Variants in PARD3B observed in about 807,000 individuals in gnomAD.
The protein encoded by PARD3B is partitioning defective 3 homolog B.
Under a neutral mutation model 130.2 loss-of-function variants are expected in PARD3B, and 103 were observed. The observed-to-expected ratio is 0.79, with a 90% CI of 0.67 to 0.93. The LOEUF is 0.93. Among genes scored for constraint, PARD3B ranks in the 40% least tolerant of loss-of-function variants. The probability of loss-of-function intolerance (pLI) is 0.00; values close to 1 mark genes in which losing one functional copy is unlikely to be tolerated. For missense variants in PARD3B, 1,609 were observed against 1,499.2 expected (o/e 1.07, Z -1.21); for synonymous variants, 583 against 553.2 (o/e 1.05, Z -0.76).
chr2:205,209,828 G>T lies in PARD3B; in HGVS notation c.2140+16508G>T, dbSNP rs115221704. 8.0e-3 allele frequency among the ~76,000 whole-genome samples: 1,210 copies of T among 151,910 alleles called. 16 individuals are homozygous for T. The highest frequency in any genetic ancestry group is 0.014 in the Middle Eastern group (4 of 294). ...AAAAAAATTAGAATGAATGAATAAGGCCTAGTATTTGATAGTATGACAGAG... is the reference window on the plus strand; with the variant it reads ...AAAAAAATTAGAATGAATGAATAAGTCCTAGTATTTGATAGTATGACAGAG... On this transcript the variant is annotated intron_variant, in intron 15 of 22. Coordinates refer to ENST00000406610, the MANE Select transcript of PARD3B (RefSeq NM_001302769.2).
intron 3 of PARD3B, among the ~76,000 whole-genome samples, chr2:204,986,164 G>T (rs1230895989): frequency 1.3e-5 from 2 of 150,766 alleles, no homozygotes; most frequent in African/African-American, 4.9e-5. Flanking sequence ...ACTTTCTTGG[G>T]TATGGCAGAT....
Position 205,122,846 on chromosome 2 carries a change from T to A in PARD3B, c.1165+897T>A, listed in dbSNP as rs1248531414. 6.6e-6 allele frequency among the ~76,000 whole-genome samples: 1 copy of A among 152,236 alleles called. No homozygotes were observed. The highest frequency in any genetic ancestry group is 2.4e-5 in the African/African-American group (1 of 41,470). ...TCAAAATTTCATTCACCTATAAGAA[T>A]TCTATTCTGGGAATAAAATACATTG... On this transcript the variant is annotated intron_variant, in intron 8 of 22. Coordinates refer to ENST00000406610, the MANE Select transcript of PARD3B (RefSeq NM_001302769.2). The surrounding 1 kb of genome is among the most constrained non-coding windows in gnomAD (Gnocchi z 4.3).
At chr2:204,611,870 G>T (rs2033941624) in intron 1 of PARD3B, among the ~76,000 whole-genome samples, 1 of 152,022 alleles carries the variant, frequency 6.6e-6, no homozygotes, top group African/African-American at 2.4e-5. Context: ...GTGCAAGCTT[G>T]CAGGATATCG....
intron 16 of PARD3B, among the ~76,000 whole-genome samples, chr2:205,255,103 A>G (rs1482174962): frequency 2.0e-5 from 3 of 151,932 alleles, no homozygotes; most frequent in Non-Finnish European, 4.4e-5. Context: ...CTCTCTGACC[A>G]TATTTTGCCC....
chr2:204,869,173 GCTTTGTAGCC>G (rs1471403631), intron 2 of PARD3B, among the ~76,000 whole-genome samples: 3 of 152,120 alleles, frequency 2.0e-5, no homozygotes, highest in African/African-American at 7.2e-5. Context: ...TTTTTATGGG[GCTTTGTAGCC>G]CTATTAGGGA....
chr2:205,303,278 T>C (rs2042076112), intron 18 of PARD3B, among the ~76,000 whole-genome samples: 2 of 152,206 alleles, frequency 1.3e-5, no homozygotes, highest in South Asian at 4.1e-4. Context: ...GATAGGATTT[T>C]ACTTAACTGG....
At position 205,617,135 on chromosome 2, in the gene PARD3B, G is replaced by T. The variant is rs2055463336; in HGVS notation, c.*1322G>T. The T allele has an allele frequency of 1.3e-5, 2 of 154,360 alleles. No homozygotes were observed. Among genetic ancestry groups the T allele is most frequent in the Admixed American group, 1.3e-4 (2 of 15,276 alleles). The allele number at this position is 154,360 out of a possible 1,614,324, so 9.6% of individuals were successfully genotyped here. ...AAGGACAGTGTTATGGCTTTAAAAA[G>T]CTGAAACCCCAACCTCTAAGTAGAT... On this transcript the variant is annotated 3_prime_UTR_variant, in exon 23 of 23. Coordinates refer to ENST00000406610, the MANE Select transcript of PARD3B (RefSeq NM_001302769.2).
intron 15 of PARD3B, among the ~76,000 whole-genome samples, chr2:205,210,879 T>TTTTCCAAATTTTAG (rs1441541205): frequency 6.6e-6 from 1 of 152,134 alleles, no homozygotes; most frequent in Non-Finnish European, 1.5e-5. Context: ...ATTTCTAAAG[T>TTTTCCAAATTTTAG]AAATATCACT....
At chr2:204,763,051 C>T (rs140391641) in intron 2 of PARD3B, among the ~76,000 whole-genome samples, 2,442 of 152,260 alleles carry the variant, frequency 0.016, 28 homozygotes, top group Middle Eastern at 0.044. Context: ...TGAGCCACTG[C>T]GCCCGGCCTT....
intron 19 of PARD3B, among the ~76,000 whole-genome samples, chr2:205,408,497 G>A (rs1163400095): frequency 4.6e-5 from 7 of 152,012 alleles, no homozygotes; most frequent in East Asian, 1.9e-4. Context: ...TATTAGAGTC[G>A]AAGAAGGAAA....
chr2:204,562,196 G>C (rs2031362041), intron 1 of PARD3B, among the ~76,000 whole-genome samples: 1 of 152,080 alleles, frequency 6.6e-6, no homozygotes. Flanking sequence ...GTTGGGGTGT[G>C]CTAAATTGAT....
intron 2 of PARD3B, among the ~76,000 whole-genome samples, chr2:204,875,646 T>G (rs922359443): frequency 5.3e-5 from 8 of 152,150 alleles, no homozygotes; most frequent in African/African-American, 1.9e-4. Context: ...AGACTGTATG[T>G]TGTAACTCTT....
chr2:204,680,545 C>G (rs963649424), intron 1 of PARD3B, among the ~76,000 whole-genome samples: 1 of 151,482 alleles, frequency 6.6e-6, no homozygotes, highest in African/African-American at 2.4e-5. Flanking sequence ...TTTCATTGTT[C>G]TTTGCTCTTT....
At chr2:205,072,713 C>A (rs1700816503) in intron 4 of PARD3B, among the ~76,000 whole-genome samples, 1 of 152,050 alleles carries the variant, frequency 6.6e-6, no homozygotes, top group South Asian at 2.1e-4. Flanking sequence ...AAAATAATAT[C>A]CTTCTCTGTA....
intron 11 of PARD3B, among the ~76,000 whole-genome samples, chr2:205,166,714 T>C (rs2034840476): frequency 6.6e-6 from 1 of 152,158 alleles, no homozygotes; most frequent in Non-Finnish European, 1.5e-5. Context: ...CATAGAGTGA[T>C]TGTAGGGCCA....
At chr2:204,583,474 G>A (rs1430218913) in intron 1 of PARD3B, among the ~76,000 whole-genome samples, 9 of 108,494 alleles carry the variant, frequency 8.3e-5, no homozygotes, top group African/African-American at 3.2e-4. Context: ...GGGGACTGTG[G>A]TGGGGTGGGG....
At chr2:204,725,763 A>G (rs1052879504) in intron 2 of PARD3B, among the ~76,000 whole-genome samples, 2 of 152,228 alleles carry the variant, frequency 1.3e-5, no homozygotes, top group African/African-American at 4.8e-5. Context: ...CAAACAAACA[A>G]AAAACAACCA....
intron 18 of PARD3B, among the ~76,000 whole-genome samples, chr2:205,312,645 ACT>A (rs1196227583): frequency 1.3e-5 from 2 of 152,086 alleles, no homozygotes. Context: ...CTCTTTGGTA[ACT>A]CTGAATTTTC....
chr2:205,086,697 A>T (rs1237708010), intron 4 of PARD3B, among the ~76,000 whole-genome samples: 7 of 152,228 alleles, frequency 4.6e-5, no homozygotes, highest in African/African-American at 1.7e-4. Context: ...GAGAGAAATT[A>T]ATCTCCAGTC....
Sources: allele counts gnomAD v4.1 joint callset (sites outside exome capture counted in the v4.1 genomes callset), GRCh38; gene constraint gnomAD v4.1.1; non-coding constraint Gnocchi (gnomAD v3.1); transcripts MANE v1.5; gene names NCBI Gene and HGNC (gene_info 2026-07-23, HGNC 2026-07-21).